Variants in TAS2R4 observed in about 807,000 individuals in gnomAD.
TAS2R4 encodes taste receptor type 2 member 4.
In TAS2R4, 18 loss-of-function variants were observed where a neutral mutation model predicts 14.3. The observed-to-expected ratio is 1.26, with a 90% CI of 0.87 to 1.86. The LOEUF is 1.86. Among genes scored for constraint, TAS2R4 ranks in the 40% most tolerant of loss-of-function variants. The pLI is 0.00. For synonymous variants in TAS2R4, 130 were observed against 138.5 expected (o/e 0.94, Z 0.43); for missense variants, 306 against 342.7 (o/e 0.89, Z 0.85).
chr7:141,781,303 C>T lies in TAS2R4; in HGVS notation c.*1915C>T, dbSNP rs947460820. Among the ~76,000 whole-genome samples the T allele has an allele frequency of 2.6e-5, 4 of 152,288 alleles. No homozygotes were observed. The highest frequency in any genetic ancestry group is 4.1e-4 in the South Asian group (2 of 4,822). ...CCATCCTAGAGCTGGCTCCATGGTT[C>T]TTCACACTGTGGACTTGTAACACCA... On this transcript the variant is annotated 3_prime_UTR_variant, in exon 1 of 1. Coordinates refer to ENST00000247881, the MANE Select transcript of TAS2R4 (RefSeq NM_016944.2).
Position 141,776,685 on chromosome 7 carries a change from G to A in TAS2R4, c.-1804G>A, listed in dbSNP as rs1014525524. On this transcript the variant is annotated 5_prime_UTR_variant, in exon 1 of 1. Transcript: ENST00000247881. ...TTTTTTTTTTTGTTCTAGAAACATAGTTGATGTTCTTACCCTTATCATATA... is the reference window on the plus strand; with the variant it reads ...TTTTTTTTTTTGTTCTAGAAACATAATTGATGTTCTTACCCTTATCATATA... 1.3e-5 allele frequency among the ~76,000 whole-genome samples: 2 copies of A among 150,954 alleles called. No individual in the cohort carries two copies. The highest frequency in any genetic ancestry group is 2.4e-5 in the African/African-American group (1 of 41,008).
Position 141,779,007 on chromosome 7 carries a change from C to T in TAS2R4, c.519C>T (p.Gly173=), listed in dbSNP as rs772756557. The stretch of plus-strand genomic sequence containing the variant: ...ACACATCATTTAATATCAGTGAGGG[C>T]ATCTTGTCTTTAGTGGTTTCTTTGG... ...RNNTSFNISE[G]ILSLVVSLVL... The change falls in exon 1 of 1, where the codon GGC becomes GGT. Residue 173 remains glycine, a synonymous_variant. Transcript: ENST00000247881. The T allele has an allele frequency of 2.7e-5, 43 of 1,614,068 alleles. No homozygotes were observed. Among genetic ancestry groups the T allele is most frequent in the Non-Finnish European group, 3.5e-5 (41 of 1,180,032 alleles).
chr7:141,778,626 G>A lies in TAS2R4; in HGVS notation c.138G>A (p.Arg46=), dbSNP rs746164182. 1 of 1,614,178 alleles carries A rather than the reference G, an allele frequency of 6.2e-7. No homozygotes were observed. Residue 46 remains arginine (R), a synonymous_variant, in exon 1 of 1, where the codon AGG becomes AGA. Transcript: ENST00000247881. The part of the protein sequence containing the change: ...VKSHRISSSD[R]ILFSLGITRF... Reference sequence around the variant, plus strand: ...GCCATAGAATCTCCTCTTCTGATAGGATTCTGTTCAGCCTGGGCATCACCA... The same window carrying A: ...GCCATAGAATCTCCTCTTCTGATAGAATTCTGTTCAGCCTGGGCATCACCA...
At position 141,776,790 on chromosome 7, in the gene TAS2R4, T is replaced by C. The variant is rs1800248674; in HGVS notation, c.-1699T>C. Among the ~76,000 whole-genome samples the C allele has an allele frequency of 6.6e-6, 1 of 152,110 alleles. No individual in the cohort carries two copies. The highest frequency in any genetic ancestry group is 6.5e-5 in the Admixed American group (1 of 15,280). ...AGTTTAACCATAGGTCAAATTCTCA[T>C]GCATAGGGAGAAAGGGTTCTGCTAA... On this transcript the variant is annotated 5_prime_UTR_variant, in exon 1 of 1. The change abolishes an upstream ATG in the 5' untranslated region. Transcript: ENST00000247881.
chr7:141,780,745 G>T lies in TAS2R4; in HGVS notation c.*1357G>T, dbSNP rs987168288. On this transcript the variant is annotated 3_prime_UTR_variant, in exon 1 of 1. Transcript: ENST00000247881. Reference sequence around the variant, plus strand: ...GGAATCATAATTTGTATTTATTTAGGTTTTTTTTGGTGTTCATAAAATGCT... The same window carrying T: ...GGAATCATAATTTGTATTTATTTAGTTTTTTTTTGGTGTTCATAAAATGCT... The T allele has an allele frequency of 3.3e-5, 5 of 151,834 alleles. No individual in the cohort carries two copies. Among genetic ancestry groups the T allele is most frequent in the African/African-American group, 9.7e-5 (4 of 41,308 alleles). The allele number at this position is 151,834 out of a possible 1,614,324, so 9.4% of individuals were successfully genotyped here. A position where few individuals can be genotyped will look rare whatever the true frequency, so the allele number is the denominator to read the frequency against.
In TAS2R4 at chr7:141,778,797, T is replaced by C. The variant is rs765146178; in HGVS notation, c.309T>C (p.Asn103=). The C allele has an allele frequency of 6.2e-7, 1 of 1,614,218 alleles. No individual in the cohort carries two copies. The highest frequency in any genetic ancestry group is 8.5e-7 in the Non-Finnish European group (1 of 1,180,040). ...SSSVWFVTLL[N]ILYCVKITNF... is the part of the protein sequence containing the mutation. The stretch of plus-strand genomic sequence containing the variant: ...GTGTCTGGTTTGTGACCTTGCTCAA[T>C]ATCTTGTACTGTGTGAAGATTACTA... The change falls in exon 1 of 1, where the codon AAT becomes AAC. Residue 103 remains asparagine (N), a synonymous_variant. Transcript: ENST00000247881.
rs1800249516 is a variant in TAS2R4 at position 141,776,866 on chromosome 7, C to T, written c.-1623C>T. On this transcript the variant is annotated 5_prime_UTR_variant, in exon 1 of 1. Transcript: ENST00000247881. ...GAAATAACTTCTAACTGAATGAGCTCATTCATTGATTGTGCTAGCCAACCT... is the reference window on the plus strand; with the variant it reads ...GAAATAACTTCTAACTGAATGAGCTTATTCATTGATTGTGCTAGCCAACCT... Among the ~76,000 whole-genome samples the T allele has an allele frequency of 1.3e-5, 2 of 152,090 alleles. No homozygotes were observed. The highest frequency in any genetic ancestry group is 2.9e-5 in the Non-Finnish European group (2 of 68,016).
At position 141,777,770 on chromosome 7, in the gene TAS2R4, A is replaced by C. The variant is rs1800261428; in HGVS notation, c.-719A>C. 6.7e-6 allele frequency among the ~76,000 whole-genome samples: 1 copy of C among 149,804 alleles called. No individual in the cohort carries two copies. ...TTTTTTCTAAGGAAAACCAGAACAT[A>C]GCAAATGGTTATGGCACAAATCTAT... On this transcript the variant is annotated 5_prime_UTR_variant, in exon 1 of 1. Transcript: ENST00000247881.
rs1003562300 is a variant in TAS2R4, at chr7:141,780,601, T to C, written c.*1213T>C. 1 of 152,216 alleles carries C rather than the reference T, an allele frequency of 6.6e-6. No homozygotes were observed. The highest frequency in any genetic ancestry group is 2.4e-5 in the African/African-American group (1 of 41,462). The allele number at this position is 152,216 out of a possible 1,614,324, so 9.4% of individuals were successfully genotyped here. On this transcript the variant is annotated 3_prime_UTR_variant, in exon 1 of 1. Coordinates refer to ENST00000247881, the MANE Select transcript of TAS2R4 (RefSeq NM_016944.2). ...AATTTATTTCATCTGCTTATACATT[T>C]GTACACAGCACAGTTCTTCTCCAGA...
Position 141,779,174 on chromosome 7 carries a change from T to C in TAS2R4, c.686T>C (p.Met229Thr), listed in dbSNP as rs144607949. ...NPQTEAHVGA[M>T]KLMVYFLILY... The stretch of plus-strand genomic sequence containing the variant: ...CAGACGGAAGCTCATGTAGGTGCTA[T>C]GAAGCTGATGGTCTATTTCCTCATC... Residue 229 changes from methionine to threonine, a missense_variant, in exon 1 of 1, where the codon ATG (methionine) becomes ACG (threonine). By Grantham distance (81) the Met-to-Thr change is moderately conservative (BLOSUM62 -1). Coordinates refer to ENST00000247881, the MANE Select transcript of TAS2R4 (RefSeq NM_016944.2). The C allele has an allele frequency of 7.2e-5, 117 of 1,614,070 alleles. 1 individual carries two copies. The Middle Eastern group carries it at 1.3e-3, about 18-fold the overall frequency.
Position 141,778,437 on chromosome 7 carries a change from T to TCTTCTGC in TAS2R4, c.-49_-43dup. The TCTTCTGC allele has an allele frequency of 6.6e-7, 1 of 1,517,968 alleles. No homozygotes were observed. Among genetic ancestry groups the TCTTCTGC allele is most frequent in the South Asian group, 1.3e-5 (1 of 78,148 alleles). 94.0% of individuals were successfully genotyped at this position (1,517,968 alleles called of 1,614,324 possible). A position where few individuals can be genotyped will look rare whatever the true frequency, so the allele number is the denominator to read the frequency against. ...GTGTCTGCTTATACATTTTGGTATT[T>TCTTCTGC]CTTCTGCCTCCACTATCAGCACCAC... On this transcript the variant is annotated 5_prime_UTR_variant, in exon 1 of 1. An upstream open reading frame in the 5' UTR gains an earlier in-frame stop. Coordinates refer to ENST00000247881, the MANE Select transcript of TAS2R4 (RefSeq NM_016944.2).
Position 141,776,826 on chromosome 7 carries a change from A to G in TAS2R4, c.-1663A>G, listed in dbSNP as rs141409608. Among the ~76,000 whole-genome samples the G allele has an allele frequency of 3.3e-5, 5 of 152,272 alleles. No individual in the cohort carries two copies. Among genetic ancestry groups the G allele is most frequent in the African/African-American group, 9.6e-5 (4 of 41,564 alleles). On this transcript the variant is annotated 5_prime_UTR_variant, in exon 1 of 1. Transcript: ENST00000247881. ...AAAGGGTTCTGCTAACACTTTTCCT[A>G]TACTGACCCTTGTGGAAATAACTTC...
In TAS2R4 at chr7:141,780,090, C is replaced by T. The variant is rs143978440; in HGVS notation, c.*702C>T. The stretch of plus-strand genomic sequence containing the variant: ...GGGCGTGGTGGCGGGCACCTGTAGT[C>T]CCAGCTACTCGGGAGGCTGAGGCAG... On this transcript the variant is annotated 3_prime_UTR_variant, in exon 1 of 1. Transcript: ENST00000247881. 1,784 of 152,392 alleles carry T rather than the reference C, an allele frequency of 0.012. 68 individuals are homozygous for T. In the South Asian group the frequency reaches 0.15, roughly 13 times the overall value. 9.4% of individuals were successfully genotyped at this position (152,392 alleles called of 1,614,324 possible). A position where few individuals can be genotyped will look rare whatever the true frequency, so the allele number is the denominator to read the frequency against.
At position 141,778,517 on chromosome 7, in the gene TAS2R4, T is replaced by C. The variant is rs987150680; in HGVS notation, c.29T>C (p.Ile10Thr). ...CTTCGGTTATTCTATTTCTCTGCTA[T>C]TATTGCCTCAGTTATTTTAAATTTT... MLRLFYFSA[I>T]IASVILNFVG... is the part of the protein sequence containing the mutation. Residue 10 changes from isoleucine (I) to threonine (T), a missense_variant, in exon 1 of 1, where the codon ATT becomes ACT. Transcript: ENST00000247881. 9.9e-6 allele frequency: 16 copies of C among 1,613,630 alleles called. No homozygotes were observed. Among genetic ancestry groups the C allele is most frequent in the African/African-American group, 9.3e-5 (7 of 74,910 alleles).
At position 141,778,696 on chromosome 7, in the gene TAS2R4, G is replaced by A. The variant is rs954008651; in HGVS notation, c.208G>A (p.Val70Ile). 1.9e-5 allele frequency: 30 copies of A among 1,614,002 alleles called. No individual in the cohort carries two copies. The highest frequency in any genetic ancestry group is 1.6e-4 in the Middle Eastern group (1 of 6,084). ...ATTTCTGGTGAACACCATCTACTTC[G>A]TCTCTTCAAATACGGAAAGGTCAGT... ...GLFLVNTIYF[V>I]SSNTERSVYL... The change falls in exon 1 of 1, where the codon GTC (valine) becomes ATC (isoleucine). Residue 70 changes from valine to isoleucine, a missense_variant. Physicochemically the swap from Val to Ile is conservative, Grantham distance 29. Coordinates refer to ENST00000247881, the MANE Select transcript of TAS2R4 (RefSeq NM_016944.2).
rs139498326 is a variant in TAS2R4 at position 141,780,100 on chromosome 7, C to G, written c.*712C>G. ...GCGGGCACCTGTAGTCCCAGCTACTCGGGAGGCTGAGGCAGGAGAATGGCT... is the reference window on the plus strand; with the variant it reads ...GCGGGCACCTGTAGTCCCAGCTACTGGGGAGGCTGAGGCAGGAGAATGGCT... On this transcript the variant is annotated 3_prime_UTR_variant, in exon 1 of 1. Coordinates refer to ENST00000247881, the MANE Select transcript of TAS2R4 (RefSeq NM_016944.2). 1 of 152,226 alleles carries G rather than the reference C, an allele frequency of 6.6e-6. No individual in the cohort carries two copies. Among genetic ancestry groups the G allele is most frequent in the East Asian group, 1.9e-4 (1 of 5,178 alleles). The allele number at this position is 152,226 out of a possible 1,614,324, so 9.4% of individuals were successfully genotyped here.
Position 141,779,319 on chromosome 7 carries a change from T to G in TAS2R4, c.831T>G (p.Ser277=). ...IFATLYSPGH[S]VLIIITHPKL... is the part of the protein sequence containing the mutation. The stretch of plus-strand genomic sequence containing the variant: ...CCACCCTTTACTCTCCAGGACATTC[T>G]GTTCTCATTATTATCACACATCCTA... Residue 277 remains serine, a synonymous_variant, in exon 1 of 1, where the codon TCT becomes TCG. Transcript: ENST00000247881. 2 of 1,614,236 alleles carry G rather than the reference T, an allele frequency of 1.2e-6. No individual in the cohort carries two copies. The highest frequency in any genetic ancestry group is 1.1e-5 in the South Asian group (1 of 91,092).
In TAS2R4 at chr7:141,778,733, C is replaced by CT. The variant is rs746817338; in HGVS notation, c.252dup (p.Val85CysfsTer28). On this transcript the variant is annotated frameshift_variant, in exon 1 of 1. Transcript: ENST00000247881. LOFTEE classifies it high-confidence loss of function. ...ACGGAAAGGTCAGTCTACCTGTCTG[C>CT]TTTTTTTGTGTTGTGTTTCATGTTT... is the stretch of plus-strand genomic sequence containing the variant. 7.4e-6 allele frequency: 12 copies of CT among 1,614,056 alleles called. No individual in the cohort carries two copies. The highest frequency in any genetic ancestry group is 1.7e-5 in the Admixed American group (1 of 59,996).
rs1800320408 is a variant in TAS2R4, at chr7:141,781,560, C to T, written c.*2172C>T. ...AAGTGAAATTGAAATAAAACCTGTA[C>T]ATGTGGTATAATACCATTTTTTTTG... is the stretch of plus-strand genomic sequence containing the variant. On this transcript the variant is annotated 3_prime_UTR_variant, in exon 1 of 1. Transcript: ENST00000247881. Among the ~76,000 whole-genome samples, 1 of 144,592 alleles carries T rather than the reference C, an allele frequency of 6.9e-6. No individual in the cohort carries two copies. The allele number at this position is 144,592 out of a possible 152,430, so 94.9% of individuals were successfully genotyped here. A position where few individuals can be genotyped will look rare whatever the true frequency, so the allele number is the denominator to read the frequency against.
Sources: gnomAD v4.1 joint callset for allele counts (sites outside exome capture counted in the v4.1 genomes callset) on GRCh38, gnomAD v4.1.1 for gene constraint, MANE v1.5 for transcripts, NCBI Gene and HGNC (gene_info 2026-07-23, HGNC 2026-07-21) for gene names.